SGCZ: variants seen among roughly 807,000 people sequenced by gnomAD.
The protein encoded by SGCZ is sarcoglycan zeta, also known as zeta-sarcoglycan.
Under a neutral mutation model 41.3 loss-of-function variants are expected in SGCZ, and 40 were observed. The ratio of observed to expected loss-of-function variants is 0.97; its 90% CI spans 0.75 to 1.26. The LOEUF (loss-of-function observed/expected upper bound fraction) is 1.26, where lower values mean the gene tolerates loss of function less well. Among genes scored for constraint, SGCZ ranks in the 50% most tolerant of loss-of-function variants. The probability of loss-of-function intolerance (pLI) is 0.00; values close to 1 mark genes in which losing one functional copy is unlikely to be tolerated. For synonymous variants in SGCZ, 206 were observed against 137.5 expected, an observed-to-expected ratio of 1.50 and a Z score of -3.49; for missense variants, 552 against 369.8, an observed-to-expected ratio of 1.49 and a Z score of -4.04.
At chr8:14,702,282 T>C (rs1809162799) in intron 1 of SGCZ, among the ~76,000 whole-genome samples, 1 of 151,946 alleles carries the variant, frequency 6.6e-6, no homozygotes, top group African/African-American at 2.4e-5. Context: ...GCTTCTTCTC[T>C]CTGTGTTTTT....
At chr8:14,748,689 CTA>C (rs767335991) in intron 1 of SGCZ, among the ~76,000 whole-genome samples, 33 of 152,152 alleles carry the variant, frequency 2.2e-4, no homozygotes, top group Non-Finnish European at 3.8e-4. Flanking sequence ...AAGGAATCAT[CTA>C]TGAATAAGAA....
At chr8:15,113,557 C>T (rs1223127860) in intron 1 of SGCZ, among the ~76,000 whole-genome samples, 2 of 152,178 alleles carry the variant, frequency 1.3e-5, no homozygotes, top group Non-Finnish European at 2.9e-5. Context: ...TCGGTGCCTG[C>T]CTTCCCATTA....
rs181870638 is a variant in SGCZ, at chr8:14,590,777, T to G, written c.40-35851A>C. Among the ~76,000 whole-genome samples the G allele has an allele frequency of 9.7e-3, 1,430 of 148,056 alleles. 17 individuals are homozygous for G. Among genetic ancestry groups the G allele is most frequent in the African/African-American group, 0.034 (1,370 of 40,876 alleles). ...GTCATAGTATATACTATATATAATA[T>G]AGTATCTGTACTTTATAATATATAT... On this transcript the variant is annotated intron_variant, in intron 1 of 7. Transcript: ENST00000382080.
intron 2 of SGCZ, among the ~76,000 whole-genome samples, chr8:14,486,401 A>C (rs542427431): frequency 6.6e-6 from 1 of 152,210 alleles, no homozygotes; most frequent in African/African-American, 2.4e-5. Flanking sequence ...GTTACTCAAG[A>C]GAGAAATACA....
chr8:14,984,076 A>G lies in SGCZ; in HGVS notation c.39+253509T>C, dbSNP rs1038980738. On this transcript the variant is annotated intron_variant, in intron 1 of 7. Coordinates refer to ENST00000382080, the MANE Select transcript of SGCZ (RefSeq NM_139167.4). ...TGATTCATCAAAATTAACTTGAAAG[A>G]CATCTTTACTCTTTTATTACAGAAA... Among the ~76,000 whole-genome samples, 12 of 152,216 alleles carry G rather than the reference A, an allele frequency of 7.9e-5. No homozygotes were observed. The East Asian group carries it at 1.9e-3, about 24-fold the overall frequency.
At chr8:14,668,479 T>C (rs1390195471) in intron 1 of SGCZ, among the ~76,000 whole-genome samples, 1 of 152,204 alleles carries the variant, frequency 6.6e-6, no homozygotes, top group Non-Finnish European at 1.5e-5. Context: ...GATGCCTTTC[T>C]AAATGAAATT....
intron 4 of SGCZ, among the ~76,000 whole-genome samples, chr8:14,229,130 T>C (rs1362127276): frequency 6.6e-6 from 1 of 152,152 alleles, no homozygotes; most frequent in African/African-American, 2.4e-5. Context: ...GGAAAATCTC[T>C]AGAATTCCCT....
At chr8:14,387,633 T>G (rs1804621918) in intron 2 of SGCZ, among the ~76,000 whole-genome samples, 2 of 152,112 alleles carry the variant, frequency 1.3e-5, no homozygotes, top group East Asian at 1.9e-4. Context: ...ATTTGCAATT[T>G]TTATATTTTT....
At chr8:15,201,519 A>C (rs969883626) in intron 1 of SGCZ, among the ~76,000 whole-genome samples, 2 of 152,214 alleles carry the variant, frequency 1.3e-5, no homozygotes, top group Non-Finnish European at 2.9e-5. Context: ...CACAAGATTA[A>C]TAAATGTCAG....
At chr8:14,383,109 C>G (rs534132896) in intron 2 of SGCZ, among the ~76,000 whole-genome samples, 1 of 152,200 alleles carries the variant, frequency 6.6e-6, no homozygotes, top group East Asian at 1.9e-4. Context: ...TGGGTCTGGC[C>G]CAGCCATTCA....
intron 1 of SGCZ, among the ~76,000 whole-genome samples, chr8:15,168,211 AG>A (rs1369938489): frequency 6.6e-6 from 1 of 152,096 alleles, no homozygotes; most frequent in African/African-American, 2.4e-5. Flanking sequence ...TCAGAGCCCT[AG>A]GAAGGAAAAC....
intron 1 of SGCZ, among the ~76,000 whole-genome samples, chr8:14,785,473 A>G (rs994224292): frequency 6.6e-6 from 1 of 152,168 alleles, no homozygotes; most frequent in African/African-American, 2.4e-5. Context: ...ATAACATTAA[A>G]TTAGTCTCAG....
chr8:14,860,507 GAC>G (rs1803691291), intron 1 of SGCZ, among the ~76,000 whole-genome samples: 2 of 142,638 alleles, frequency 1.4e-5, no homozygotes, highest in Non-Finnish European at 3.1e-5. Flanking sequence ...GAGGAAAAGA[GAC>G]AGAATGAAAA....
At chr8:14,818,651 G>A (rs565808964) in intron 1 of SGCZ, among the ~76,000 whole-genome samples, 1 of 152,094 alleles carries the variant, frequency 6.6e-6, no homozygotes, top group African/African-American at 2.4e-5. Flanking sequence ...AATTTCATGA[G>A]ATACAAAGGA....
intron 1 of SGCZ, among the ~76,000 whole-genome samples, chr8:14,686,060 T>C (rs1460394038): frequency 6.6e-6 from 1 of 152,114 alleles, no homozygotes; most frequent in Non-Finnish European, 1.5e-5. Flanking sequence ...AAACTATATG[T>C]TTCGTCTCGG....
intron 1 of SGCZ, among the ~76,000 whole-genome samples, chr8:15,133,820 T>C (rs1808006774): frequency 6.6e-6 from 1 of 152,162 alleles, no homozygotes; most frequent in Non-Finnish European, 1.5e-5. Context: ...CCTAATGAGA[T>C]TCTTAATTTC....
At chr8:15,237,489 C>A in intron 1 of SGCZ, 96 bp downstream of exon 1, 1 of 1,445,342 alleles carries the variant, frequency 6.9e-7, no homozygotes, top group Non-Finnish European at 9.5e-7. Context: ...GCGGGACCAC[C>A]AACTACTCCG....
intron 1 of SGCZ, among the ~76,000 whole-genome samples, chr8:14,612,844 C>A (rs1424793663): frequency 2.0e-5 from 3 of 152,076 alleles, no homozygotes. Flanking sequence ...TGCCATCACA[C>A]CCAGCTAATT....
intron 1 of SGCZ, among the ~76,000 whole-genome samples, chr8:15,162,339 C>A (rs1799533951): frequency 6.6e-6 from 1 of 152,200 alleles, no homozygotes; most frequent in South Asian, 2.1e-4. Flanking sequence ...TGTCCCACCT[C>A]TAACCCAAAG....
Sources: gnomAD v4.1 joint callset for allele counts (sites outside exome capture counted in the v4.1 genomes callset) on GRCh38, gnomAD v4.1.1 for gene constraint, MANE v1.5 for transcripts, NCBI Gene and HGNC (gene_info 2026-07-23, HGNC 2026-07-21) for gene names.